TPO: variants seen among roughly 807,000 people sequenced by gnomAD.
The protein encoded by TPO is thyroid peroxidase.
TPO carries 78 observed loss-of-function variants against 96.9 expected under a neutral mutation model. The observed-to-expected ratio is 0.81, with a 90% CI of 0.67 to 0.97. TPO has a LOEUF of 0.97. Ranked by LOEUF, TPO falls within the 50% of genes least tolerant of loss-of-function variation. The pLI is 0.00. For missense variants in TPO, 1,252 were observed against 1,274.8 expected, an observed-to-expected ratio of 0.98 and a Z score of 0.27; for synonymous variants, 547 against 538.0, an observed-to-expected ratio of 1.02 and a Z score of -0.23.
chr2:1,524,926 T>A (rs1319510402), intron 15 of TPO, among the ~76,000 whole-genome samples: 6 of 113,246 alleles, frequency 5.3e-5, no homozygotes, highest in African/African-American at 1.0e-4. Flanking sequence ...CCCCGCTGTG[T>A]GCAACCTCCT....
intron 1 of TPO, among the ~76,000 whole-genome samples, chr2:1,387,748 T>G (rs1253795299): frequency 1.3e-5 from 2 of 152,246 alleles, no homozygotes; most frequent in Non-Finnish European, 2.9e-5. Context: ...GTTCCATTGC[T>G]GGTGAGGAGC....
intron 1 of TPO, among the ~76,000 whole-genome samples, chr2:1,402,248 A>T (rs1662183437): frequency 1.3e-5 from 2 of 152,220 alleles, no homozygotes; most frequent in African/African-American, 4.8e-5. Flanking sequence ...TGCGGTCGGC[A>T]TCCACGGGAG....
At chr2:1,400,899 A>G (rs1662157629) in intron 1 of TPO, among the ~76,000 whole-genome samples, 1 of 152,188 alleles carries the variant, frequency 6.6e-6, no homozygotes, top group African/African-American at 2.4e-5. Context: ...CTTTCTAATC[A>G]TGTATCCTTG....
intron 8 of TPO, among the ~76,000 whole-genome samples, chr2:1,480,758 C>CACCACCTCCCTCCTCCTGCATCCGTCCAA (rs1161799817): frequency 6.6e-6 from 1 of 151,858 alleles, no homozygotes; most frequent in Non-Finnish European, 1.5e-5. Flanking sequence ...CATCCGTCCA[C>CACCACCTCCCTCCTCCTGCATCCGTCCAA]ACCACCTCCC....
rs751878845 is a variant in TPO, at chr2:1,504,095, T to C, written c.2518+16T>C. ...ACCTGCGTAGGTGAGGCTGTTCCCCTCTCTCTCTGTCCGTCCATTTGCGAG... is the reference window on the plus strand; with the variant it reads ...ACCTGCGTAGGTGAGGCTGTTCCCCCCTCTCTCTGTCCGTCCATTTGCGAG... On this transcript the variant is annotated intron_variant, in intron 14 of 16. Transcript: ENST00000329066. 2.5e-6 allele frequency: 4 copies of C among 1,613,442 alleles called. No homozygotes were observed. Among genetic ancestry groups the C allele is most frequent in the Non-Finnish European group, 3.4e-6 (4 of 1,179,890 alleles).
intron 3 of TPO, among the ~76,000 whole-genome samples, chr2:1,425,176 C>T (rs1471261541): frequency 6.6e-6 from 1 of 151,050 alleles, no homozygotes; most frequent in East Asian, 2.0e-4. Context: ...TTCATATTCT[C>T]AGAAGTCCAT....
At chr2:1,526,497 T>G (rs1390324211) in intron 15 of TPO, among the ~76,000 whole-genome samples, 2 of 100,310 alleles carry the variant, frequency 2.0e-5, no homozygotes, top group African/African-American at 4.0e-5. Context: ...AGTCCGCCAC[T>G]GTGTGCAACC....
intron 15 of TPO, among the ~76,000 whole-genome samples, chr2:1,537,475 T>TCCCAATG (rs1558441400): frequency 1.6e-3 from 149 of 93,358 alleles, no homozygotes; most frequent in Non-Finnish European, 1.8e-3. Flanking sequence ...CCTCCTCAAA[T>TCCCAATG]TCTTCCACTC....
At chr2:1,411,859 C>A (rs1002036240), upstream of TPO, among the ~76,000 whole-genome samples, 4 of 152,182 alleles carry the variant, frequency 2.6e-5, no homozygotes, top group Admixed American at 2.6e-4. Flanking sequence ...CCAGGCTAAT[C>A]TCCCCTCCTC....
chr2:1,380,428 T>G (rs1286522422), intron 1 of TPO, among the ~76,000 whole-genome samples: 2 of 151,708 alleles, frequency 1.3e-5, no homozygotes, highest in African/African-American at 4.8e-5. Flanking sequence ...TTTTATAATT[T>G]CCTTAAGATA....
intron 15 of TPO, among the ~76,000 whole-genome samples, chr2:1,539,596 T>C (rs1490079866): frequency 1.3e-5 from 2 of 152,112 alleles, no homozygotes; most frequent in African/African-American, 4.8e-5. Context: ...CACTGGACTT[T>C]GCTGGCGGTG....
chr2:1,526,777 TC>T (rs568076453), intron 15 of TPO, among the ~76,000 whole-genome samples: 2 of 54,812 alleles, frequency 3.6e-5, no homozygotes, highest in East Asian at 6.6e-4. Flanking sequence ...CCTCCCCAAA[TC>T]CCCCCCAATC....
chr2:1,521,491 A>G (rs1297289577), intron 15 of TPO, among the ~76,000 whole-genome samples: 2 of 151,622 alleles, frequency 1.3e-5, no homozygotes, highest in Non-Finnish European at 2.9e-5. Context: ...CTCCCCAGGG[A>G]CCCTCCTCCC....
chr2:1,434,244 C>A (rs1174988406), intron 4 of TPO, among the ~76,000 whole-genome samples: 4 of 152,216 alleles, frequency 2.6e-5, no homozygotes, highest in African/African-American at 9.6e-5. Flanking sequence ...TGATGCAGAG[C>A]AAGTAAGCGA....
chr2:1,500,307 GTTTGT>G (rs1205720751), intron 13 of TPO, among the ~76,000 whole-genome samples: 2 of 151,756 alleles, frequency 1.3e-5, no homozygotes, highest in South Asian at 4.2e-4. Flanking sequence ...TCTTTTTTTT[GTTTGT>G]TTTATCATAT....
intron 14 of TPO, chr2:1,512,591 A>G (rs1391635922): frequency 1.5e-6 from 1 of 651,464 alleles, no homozygotes; most frequent in Non-Finnish European, 1.9e-6. Context: ...GCCGCAGAAC[A>G]CGTCTTCCCG....
chr2:1,469,456 A>G (rs1003560743), intron 7 of TPO, among the ~76,000 whole-genome samples: 6 of 152,106 alleles, frequency 3.9e-5, no homozygotes, highest in Non-Finnish European at 1.5e-5. Context: ...CCTGAGAGCT[A>G]AGGTGTAGTT....
At chr2:1,418,382 G>A (rs912673134) in intron 2 of TPO, among the ~76,000 whole-genome samples, 1 of 152,178 alleles carries the variant, frequency 6.6e-6, no homozygotes, top group Admixed American at 6.5e-5. Context: ...GTAGGAAGGT[G>A]AGAATAAGAA....
chr2:1,458,184 T>C (rs1393765807), intron 7 of TPO, among the ~76,000 whole-genome samples: 2 of 151,684 alleles, frequency 1.3e-5, no homozygotes, highest in Non-Finnish European at 1.5e-5. Flanking sequence ...GGATATAATA[T>C]AGTGTGTGGG....
Sources: gnomAD v4.1 joint callset for allele counts (sites outside exome capture counted in the v4.1 genomes callset) on GRCh38, gnomAD v4.1.1 for gene constraint, MANE v1.5 for transcripts, NCBI Gene and HGNC (gene_info 2026-07-23, HGNC 2026-07-21) for gene names.